The following KDM2B variants were observed in gnomAD, a reference collection of about 807,000 sequenced individuals.
KDM2B encodes the protein lysine demethylase 2B.
Under a neutral mutation model 150.0 loss-of-function variants are expected in KDM2B, and 26 were observed. The observed-to-expected ratio is 0.17, with a 90% CI of 0.13 to 0.24. The LOEUF (loss-of-function observed/expected upper bound fraction) is 0.24. Among genes scored for constraint, KDM2B ranks in the 10% least tolerant of loss-of-function variants. The pLI is 1.00. For missense variants in KDM2B, 1,265 were observed against 1,816.9 expected (o/e 0.70, Z 5.52); for synonymous variants, 734 against 729.5 (o/e 1.01, Z -0.10).
At chr12:121,526,122 C>T (rs1057423687) in intron 8 of KDM2B, among the ~76,000 whole-genome samples, 1 of 152,186 alleles carries the variant, frequency 6.6e-6, no homozygotes, top group Admixed American at 6.5e-5. Flanking sequence ...GAGGCCAAGG[C>T]AGGCGGATCA....
chr12:121,496,823 G>A (rs988627984), intron 11 of KDM2B, among the ~76,000 whole-genome samples: 65 of 151,436 alleles, frequency 4.3e-4, no homozygotes, highest in African/African-American at 1.5e-3. Context: ...CAAAGTGCTG[G>A]GATTGCAGGT....
At chr12:121,552,920 G>A (rs1424038154) in intron 4 of KDM2B, among the ~76,000 whole-genome samples, 1 of 151,944 alleles carries the variant, frequency 6.6e-6, no homozygotes, top group African/African-American at 2.4e-5. Flanking sequence ...GGCCCACCTG[G>A]CAGAAACCCT....
At chr12:121,482,237 T>G (rs1460129464) in intron 12 of KDM2B, among the ~76,000 whole-genome samples, 4 of 152,166 alleles carry the variant, frequency 2.6e-5, no homozygotes, top group Non-Finnish European at 5.9e-5. Flanking sequence ...AAATTCCAGG[T>G]GATGTAAGAT....
At chr12:121,565,846 C>T (rs1490161177) in intron 4 of KDM2B, among the ~76,000 whole-genome samples, 3 of 151,936 alleles carry the variant, frequency 2.0e-5, no homozygotes, top group Admixed American at 6.6e-5. Context: ...AGGCTGGTCT[C>T]GAACTCCTGA....
At chr12:121,431,812 C>A (rs1362103463) in intron 22 of KDM2B, among the ~76,000 whole-genome samples, 1 of 151,626 alleles carries the variant, frequency 6.6e-6, no homozygotes, top group African/African-American at 2.4e-5. Flanking sequence ...TGCTTTTGGA[C>A]TGAAGATGGG....
intron 6 of KDM2B, among the ~76,000 whole-genome samples, chr12:121,535,638 G>A (rs1242761527): frequency 1.3e-5 from 2 of 152,220 alleles, no homozygotes; most frequent in African/African-American, 4.8e-5. Flanking sequence ...CATGCACAGA[G>A]GAAGAGAAGG....
chr12:121,444,695 G>T, intron 14 of KDM2B, 159 bp from the exon 15 acceptor site: 2 of 653,352 alleles, frequency 3.1e-6, no homozygotes, highest in South Asian at 3.5e-5. Context: ...TGCAGAGGCT[G>T]GCAGAGACGG....
At chr12:121,562,700 G>T (rs1055740325) in intron 4 of KDM2B, among the ~76,000 whole-genome samples, 1 of 146,696 alleles carries the variant, frequency 6.8e-6, no homozygotes, top group Non-Finnish European at 1.5e-5. Context: ...GAGGAAGAGA[G>T]GGGGGAGGAG....
At chr12:121,423,534 C>T in the KDM2B span, 66 of 1,614,018 alleles carry the variant, frequency 4.1e-5, no homozygotes, top group Non-Finnish European at 5.5e-5. This position sits in a 1 kb window ranked among gnomAD's most constrained non-coding sequence, Gnocchi z 4.3. Flanking sequence ...GTCCCATCTG[C>T]CGGCAGTATG....
chr12:121,575,749 G>C lies in KDM2B; in HGVS notation c.350+32C>G. On this transcript the variant is annotated intron_variant, in intron 3 of 22. Transcript: ENST00000377071. This position sits in a 1 kb window ranked among gnomAD's most constrained non-coding sequence, Gnocchi z 4.4. ...TATAAAGTATGTTAGGGAGGAAGAC[G>C]GGGGAAGGAGTGATTAGTTTCAGCA... 6.9e-7 allele frequency: 1 copy of C among 1,445,902 alleles called. No homozygotes were observed. The allele number at this position is 1,445,902 out of a possible 1,614,324, so 89.6% of individuals were successfully genotyped here.
intron 6 of KDM2B, among the ~76,000 whole-genome samples, chr12:121,542,345 A>G (rs1279760952): frequency 1.3e-5 from 2 of 152,126 alleles, no homozygotes; most frequent in Non-Finnish European, 2.9e-5. Context: ...ATTTCTCACT[A>G]TGTTGGCCAG....
intron 22 of KDM2B, among the ~76,000 whole-genome samples, chr12:121,431,986 C>T (rs1039088308): frequency 6.7e-6 from 1 of 148,466 alleles, no homozygotes; most frequent in East Asian, 2.0e-4. Context: ...CAGGTTCAAG[C>T]GATTCTGCCT....
At chr12:121,522,760 A>G (rs2141238009) in intron 8 of KDM2B, among the ~76,000 whole-genome samples, 1 of 152,006 alleles carries the variant, frequency 6.6e-6, no homozygotes, top group South Asian at 2.1e-4. Context: ...AGGCATGAGA[A>G]TTGCTTGAAC....
chr12:121,533,179 T>A lies in KDM2B; in HGVS notation c.778-220A>T, dbSNP rs1887809194. On this transcript the variant is annotated intron_variant, in intron 7 of 22. Transcript: ENST00000377071. This position sits in a 1 kb window ranked among gnomAD's most constrained non-coding sequence, Gnocchi z 4.1. ...GGGCTGTGCCCACCTTCAGGGAACC[T>A]CCATTCCTGCTGAAATCCCAGGATG... Among the ~76,000 whole-genome samples the A allele has an allele frequency of 6.6e-6, 1 of 152,142 alleles. No homozygotes were observed. The highest frequency in any genetic ancestry group is 6.5e-5 in the Admixed American group (1 of 15,278).
At chr12:121,422,354 T>TCCTC in the KDM2B span, among the ~76,000 whole-genome samples, 1 of 152,154 alleles carries the variant, frequency 6.6e-6, no homozygotes, top group Admixed American at 6.5e-5. Flanking sequence ...AGATACTGGC[T>TCCTC]CCTCTGCTTT....
chr12:121,409,956 G>T, the KDM2B span, among the ~76,000 whole-genome samples: 1 of 152,004 alleles, frequency 6.6e-6, no homozygotes, highest in Non-Finnish European at 1.5e-5. Context: ...AGGAGTTCGA[G>T]ACCAGCCTGA....
chr12:121,490,035 G>A (rs1240760748), intron 12 of KDM2B, among the ~76,000 whole-genome samples: 5 of 152,206 alleles, frequency 3.3e-5, no homozygotes, highest in African/African-American at 7.2e-5. Flanking sequence ...GGGACCCGCC[G>A]GAAGCACTCG....
rs1380109410 is a variant in KDM2B at position 121,533,161 on chromosome 12, GC to G, written c.778-203del. ...CCTCTGGGGAGGCAGGAAGGGCTGT[GC>G]CCACCTTCAGGGAACCTCCATTCCT... On this transcript the variant is annotated intron_variant, in intron 7 of 22. Coordinates refer to ENST00000377071, the MANE Select transcript of KDM2B (RefSeq NM_032590.5). The surrounding 1 kb of genome is among the most constrained non-coding windows in gnomAD (Gnocchi z 4.1). Among the ~76,000 whole-genome samples the G allele has an allele frequency of 6.6e-6, 1 of 152,210 alleles. No individual in the cohort carries two copies. Among genetic ancestry groups the G allele is most frequent in the Non-Finnish European group, 1.5e-5 (1 of 68,022 alleles).
chr12:121,554,055 A>ACACG (rs1889717101), intron 4 of KDM2B, among the ~76,000 whole-genome samples: 2 of 150,034 alleles, frequency 1.3e-5, no homozygotes, highest in Non-Finnish European at 3.0e-5. Context: ...ACACACACAC[A>ACACG]CACACACACA....
Sources: allele counts gnomAD v4.1 joint callset (sites outside exome capture counted in the v4.1 genomes callset), GRCh38; gene constraint gnomAD v4.1.1; non-coding constraint Gnocchi (gnomAD v3.1); transcripts MANE v1.5; gene names NCBI Gene and HGNC (gene_info 2026-07-23, HGNC 2026-07-21).